The following TRAPPC3 variants were observed in gnomAD, a reference collection of about 807,000 sequenced individuals.
The protein encoded by TRAPPC3 is trafficking protein particle complex 3.
Under a neutral mutation model 18.2 loss-of-function variants are expected in TRAPPC3, and 5 were observed. The observed-to-expected ratio is 0.28, with a 90% CI of 0.14 to 0.58. The LOEUF (loss-of-function observed/expected upper bound fraction) is 0.58, where lower values mean the gene tolerates loss of function less well. TRAPPC3 is among the 20% of genes least tolerant of loss of function. TRAPPC3 has a pLI of 0.91. For synonymous variants in TRAPPC3, 65 were observed against 84.2 expected (o/e 0.77, Z 1.25); for missense variants, 176 against 225.9 (o/e 0.78, Z 1.41).
chr1:36,143,546 C>T (rs1644147951), intron 1 of TRAPPC3, among the ~76,000 whole-genome samples: 1 of 152,128 alleles, frequency 6.6e-6, no homozygotes, highest in African/African-American at 2.4e-5. Context: ...CAAAAGTTCT[C>T]ATGGGATCAT....
chr1:36,144,437 G>A (rs1644164306), intron 1 of TRAPPC3, among the ~76,000 whole-genome samples: 1 of 152,066 alleles, frequency 6.6e-6, no homozygotes, highest in South Asian at 2.1e-4. Flanking sequence ...GTGGTCACCT[G>A]AGCCCAGGAG....
chr1:36,149,497 G>T, upstream of TRAPPC3: 2 of 1,328,028 alleles, frequency 1.5e-6, no homozygotes, highest in Non-Finnish European at 2.1e-6. Flanking sequence ...GACTCACTGC[G>T]CCTGCGCGGC....
intron 1 of TRAPPC3, 126 bp downstream of exon 1, chr1:36,149,211 G>C: frequency 6.5e-7 from 1 of 1,530,436 alleles, no homozygotes; most frequent in Non-Finnish European, 8.8e-7. Context: ...GACCCAGCAA[G>C]AGGCTTCCCC....
At chr1:36,147,681 G>A (rs1219264998) in intron 1 of TRAPPC3, among the ~76,000 whole-genome samples, 1 of 152,136 alleles carries the variant, frequency 6.6e-6, no homozygotes, top group Non-Finnish European at 1.5e-5. Context: ...TTAGAGGTTA[G>A]AGAATTAGGC....
upstream of TRAPPC3, among the ~76,000 whole-genome samples, chr1:36,150,197 G>C (rs1006217645): frequency 2.0e-5 from 3 of 152,166 alleles, no homozygotes; most frequent in Admixed American, 6.5e-5. Context: ...TGCCATTTTA[G>C]GCAAGTTGCT....
chr1:36,145,329 A>C (rs1300346152), intron 1 of TRAPPC3, among the ~76,000 whole-genome samples: 1 of 152,068 alleles, frequency 6.6e-6, no homozygotes, highest in Admixed American at 6.6e-5. Context: ...ATGCCTGGCC[A>C]GGAGGCTGAT....
intron 1 of TRAPPC3, among the ~76,000 whole-genome samples, chr1:36,144,090 C>T (rs974868258): frequency 1.3e-5 from 2 of 151,054 alleles, no homozygotes; most frequent in African/African-American, 2.4e-5. Flanking sequence ...GAGTTCAAGA[C>T]GAGCCTGGCC....
chr1:36,140,221 G>T, intron 1 of TRAPPC3, 55 bp from the exon 2 acceptor site: 1 of 1,179,872 alleles, frequency 8.5e-7, no homozygotes. Context: ...AGAAAGCGTG[G>T]TGAGAGTCTG....
intron 1 of TRAPPC3, 96 bp downstream of exon 1, chr1:36,149,241 G>A: frequency 6.4e-7 from 1 of 1,572,650 alleles, no homozygotes. Context: ...CTCACAGGAA[G>A]GCCCTTTTCC....
intron 1 of TRAPPC3, among the ~76,000 whole-genome samples, chr1:36,143,426 C>G (rs1644145625): frequency 6.6e-6 from 1 of 152,154 alleles, no homozygotes; most frequent in Admixed American, 6.5e-5. Context: ...GCGGGAGACT[C>G]TTGGCCTTAG....
At chr1:36,142,599 C>T (rs920388047) in intron 1 of TRAPPC3, among the ~76,000 whole-genome samples, 4 of 152,148 alleles carry the variant, frequency 2.6e-5, no homozygotes, top group East Asian at 1.9e-4. Flanking sequence ...CCTGGGATCT[C>T]GGAATGGGAT....
intron 3 of TRAPPC3, among the ~76,000 whole-genome samples, chr1:36,139,037 AAAAAAAAG>A (rs1161426890): frequency 2.6e-5 from 4 of 151,074 alleles, no homozygotes; most frequent in South Asian, 2.1e-4. Context: ...ACTCCATCTC[AAAAAAAAG>A]AAAAAAAGAA....
chr1:36,140,322 C>T, intron 1 of TRAPPC3, 156 bp from the exon 2 acceptor site: 1 of 511,294 alleles, frequency 2.0e-6, no homozygotes, highest in Non-Finnish European at 3.3e-6. Context: ...GAAATTTGGC[C>T]TGCAAGGTCA....
chr1:36,153,777 C>A (rs1198683285), upstream of TRAPPC3, among the ~76,000 whole-genome samples: 2 of 152,166 alleles, frequency 1.3e-5, no homozygotes, highest in African/African-American at 4.8e-5. Context: ...AGGCTAATAC[C>A]AGGGGCTCTT....
rs1377997930 is a variant in TRAPPC3, at chr1:36,137,071, G to T, written c.*132C>A. ...GCAGTCTGCTCTTTATTTGAATGGA[G>T]AATGGAAACAGGTTATAAGAATATA... is the stretch of plus-strand genomic sequence containing the variant. On this transcript the variant is annotated 3_prime_UTR_variant, in exon 5 of 5. Transcript: ENST00000373166. The T allele has an allele frequency of 9.0e-7, 1 of 1,108,318 alleles. No homozygotes were observed. Among genetic ancestry groups the T allele is most frequent in the Non-Finnish European group, 1.3e-6 (1 of 778,128 alleles). 68.7% of individuals were successfully genotyped at this position (1,108,318 alleles called of 1,614,324 possible).
upstream of TRAPPC3, among the ~76,000 whole-genome samples, chr1:36,153,697 G>GT (rs780937994): frequency 1.6e-3 from 245 of 152,264 alleles, no homozygotes; most frequent in Non-Finnish European, 2.4e-3. Flanking sequence ...GCCCACCGCC[G>GT]TATGTCTCTA....
chr1:36,154,133 T>G (rs1292687722), upstream of TRAPPC3, among the ~76,000 whole-genome samples: 1 of 151,930 alleles, frequency 6.6e-6, no homozygotes, highest in Non-Finnish European at 1.5e-5. Context: ...GCCTCTGGAG[T>G]AGCTGGGATT....
At chr1:36,152,483 T>G (rs912564131), upstream of TRAPPC3, among the ~76,000 whole-genome samples, 2 of 151,772 alleles carry the variant, frequency 1.3e-5, no homozygotes, top group African/African-American at 4.8e-5. Context: ...AATGTTTTTG[T>G]ATTTTTAGTA....
At chr1:36,145,718 AT>A (rs891712575) in intron 1 of TRAPPC3, among the ~76,000 whole-genome samples, 18 of 152,200 alleles carry the variant, frequency 1.2e-4, no homozygotes, top group African/African-American at 4.3e-4. Flanking sequence ...CTTTACATGC[AT>A]TCTCTCAATT....
Sources: gnomAD v4.1 joint callset for allele counts (sites outside exome capture counted in the v4.1 genomes callset) on GRCh38, gnomAD v4.1.1 for gene constraint, MANE v1.5 for transcripts, NCBI Gene and HGNC (gene_info 2026-07-23, HGNC 2026-07-21) for gene names.